NPAS2: variants seen among roughly 807,000 people sequenced by gnomAD.
NPAS2 encodes the protein neuronal PAS domain protein 2.
A neutral mutation model predicts 107.5 loss-of-function variants in NPAS2; 23 were observed. That is an observed-to-expected ratio of 0.21 (90% CI 0.15 to 0.30). The LOEUF (loss-of-function observed/expected upper bound fraction) is 0.30, where lower values mean the gene tolerates loss of function less well. Ranked by LOEUF, NPAS2 falls within the 10% of genes least tolerant of loss-of-function variation. The pLI, the probability that NPAS2 is intolerant of heterozygous loss-of-function variation, is 1.00. For missense variants in NPAS2, 756 were observed against 1,043.3 expected, an observed-to-expected ratio of 0.72 and a Z score of 3.79; for synonymous variants, 403 against 417.5, an observed-to-expected ratio of 0.97 and a Z score of 0.42.
chr2:100,877,467 A>AG (rs34219625), intron 1 of NPAS2, among the ~76,000 whole-genome samples: 1 of 150,612 alleles, frequency 6.6e-6, no homozygotes, highest in Non-Finnish European at 1.5e-5. Flanking sequence ...AAAAAAAAAA[A>AG]GAAATGGTTG....
intron 1 of NPAS2, among the ~76,000 whole-genome samples, chr2:100,859,178 G>A (rs1021612726): frequency 1.1e-4 from 17 of 152,152 alleles, no homozygotes; most frequent in African/African-American, 3.1e-4. Flanking sequence ...CATGAGAATC[G>A]CCTGAACCCG....
chr2:100,988,633 G>A (rs2105310262), intron 17 of NPAS2: 6 of 334,754 alleles, frequency 1.8e-5, no homozygotes, highest in South Asian at 5.2e-5. Context: ...AACACTCAAC[G>A]TCCATGGTCC....
chr2:100,881,768 G>C (rs62156107), intron 1 of NPAS2, among the ~76,000 whole-genome samples: 2 of 151,922 alleles, frequency 1.3e-5, no homozygotes, highest in Non-Finnish European at 2.9e-5. Flanking sequence ...CTGAACAATC[G>C]CTGGTTTGTT....
At chr2:100,958,353 T>C (rs150628962) in intron 7 of NPAS2, among the ~76,000 whole-genome samples, 1 of 152,358 alleles carries the variant, frequency 6.6e-6, no homozygotes, top group African/African-American at 2.4e-5. Flanking sequence ...CTGAGCTTAA[T>C]TGAGATGCCT....
At chr2:100,919,381 C>A (rs1683083523) in intron 2 of NPAS2, among the ~76,000 whole-genome samples, 1 of 152,028 alleles carries the variant, frequency 6.6e-6, no homozygotes, top group Admixed American at 6.5e-5. Context: ...GGAAAAAAAA[C>A]AAAAACAAAA....
intron 1 of NPAS2, chr2:100,901,579 G>A (rs1681781403): frequency 1.0e-5 from 10 of 983,898 alleles, no homozygotes; most frequent in Non-Finnish European, 1.2e-5. Context: ...CATGGCTAAA[G>A]GAGATGCAGC....
chr2:100,923,320 G>A (rs1328950217), intron 2 of NPAS2, among the ~76,000 whole-genome samples: 1 of 152,102 alleles, frequency 6.6e-6, no homozygotes. Flanking sequence ...TTGAAGAATT[G>A]CCCAAATGTT....
At chr2:100,898,841 A>G (rs1022080593) in intron 1 of NPAS2, among the ~76,000 whole-genome samples, 8 of 151,990 alleles carry the variant, frequency 5.3e-5, no homozygotes, top group African/African-American at 1.9e-4. Context: ...TGCATATTAC[A>G]TGTAAATGTA....
intron 7 of NPAS2, among the ~76,000 whole-genome samples, chr2:100,961,953 T>C (rs1479000315): frequency 6.6e-6 from 1 of 152,220 alleles, no homozygotes; most frequent in Non-Finnish European, 1.5e-5. Context: ...GGCTGGGTAA[T>C]ATGTCTTAGA....
chr2:100,909,201 G>A (rs997054670), intron 2 of NPAS2, among the ~76,000 whole-genome samples: 3 of 152,218 alleles, frequency 2.0e-5, no homozygotes, highest in African/African-American at 7.2e-5. Flanking sequence ...GCAAGTGGAT[G>A]TTACAGATGA....
intron 19 of NPAS2, among the ~76,000 whole-genome samples, chr2:100,992,580 A>C (rs955179512): frequency 6.6e-6 from 1 of 152,200 alleles, no homozygotes; most frequent in African/African-American, 2.4e-5. Flanking sequence ...CCTCCCGGCC[A>C]TGTGAAGTTA....
At chr2:100,981,566 C>T (rs183974521) in intron 15 of NPAS2, among the ~76,000 whole-genome samples, 16 of 152,288 alleles carry the variant, frequency 1.1e-4, no homozygotes, top group Admixed American at 9.8e-4. Context: ...AAACAATCAC[C>T]GTGTCTTTAC....
intron 1 of NPAS2, among the ~76,000 whole-genome samples, chr2:100,854,014 G>A (rs1411817505): frequency 6.6e-6 from 1 of 151,460 alleles, no homozygotes; most frequent in African/African-American, 2.4e-5. Flanking sequence ...GCAGGGCGTG[G>A]TGACATGTGC....
intron 1 of NPAS2, among the ~76,000 whole-genome samples, chr2:100,903,153 C>T (rs971617625): frequency 2.0e-5 from 3 of 152,190 alleles, no homozygotes; most frequent in Non-Finnish European, 4.4e-5. Context: ...TGTCCAGGGG[C>T]CCCTGGTAAA....
Position 100,969,177 on chromosome 2 carries a change from CT to C in NPAS2, c.1055+764del, listed in dbSNP as rs544361522. On this transcript the variant is annotated intron_variant, in intron 11 of 20. Transcript: ENST00000335681. ...AAAGTTGGAAGGACAGCATGCCTTT[CT>C]TTTTTTTTTTTTTTAAACTTTAAGT... Among the ~76,000 whole-genome samples the C allele has an allele frequency of 5.6e-3, 779 of 140,306 alleles. 1 individual carries two copies. Among genetic ancestry groups the C allele is most frequent in the Admixed American group, 5.6e-3 (78 of 13,974 alleles). The allele number at this position is 140,306 out of a possible 152,430, so 92.0% of individuals were successfully genotyped here. A position where few individuals can be genotyped will look rare whatever the true frequency, so the allele number is the denominator to read the frequency against.
At chr2:100,870,179 G>A (rs34873464) in intron 1 of NPAS2, among the ~76,000 whole-genome samples, 4 of 151,964 alleles carry the variant, frequency 2.6e-5, no homozygotes, top group South Asian at 4.2e-4. Context: ...GATTACAGGC[G>A]TGAGCCACCG....
intron 5 of NPAS2, among the ~76,000 whole-genome samples, chr2:100,945,777 G>A (rs1173174296): frequency 6.6e-6 from 1 of 152,164 alleles, no homozygotes; most frequent in Non-Finnish European, 1.5e-5. Context: ...ACACTGTCTT[G>A]TCCCCTGGCT....
chr2:100,880,589 G>A (rs1680270037), intron 1 of NPAS2, among the ~76,000 whole-genome samples: 3 of 152,182 alleles, frequency 2.0e-5, no homozygotes, highest in Non-Finnish European at 4.4e-5. Context: ...CTTGAGACAG[G>A]GAATTGGGGG....
At chr2:100,892,849 C>A (rs1037724547) in intron 1 of NPAS2, among the ~76,000 whole-genome samples, 2 of 152,062 alleles carry the variant, frequency 1.3e-5, no homozygotes, top group African/African-American at 4.8e-5. Flanking sequence ...TCTTGAGTAG[C>A]TGGGATTACA....
Sources: allele counts gnomAD v4.1 joint callset (sites outside exome capture counted in the v4.1 genomes callset), GRCh38; gene constraint gnomAD v4.1.1; transcripts MANE v1.5; gene names NCBI Gene and HGNC (gene_info 2026-07-23, HGNC 2026-07-21).